SORCS2: variants seen among roughly 807,000 people sequenced by gnomAD.
SORCS2 encodes the protein sortilin related VPS10 domain containing receptor 2.
Under a neutral mutation model 141.6 loss-of-function variants are expected in SORCS2, and 100 were observed. That is an observed-to-expected ratio of 0.71 (90% CI 0.60 to 0.83). The LOEUF is 0.83. Ranked by LOEUF, SORCS2 falls within the 40% of genes least tolerant of loss-of-function variation. The pLI is 0.00. For missense variants in SORCS2, 1,646 were observed against 1,560.2 expected, an observed-to-expected ratio of 1.05 and a Z score of -0.93; for synonymous variants, 789 against 676.9, an observed-to-expected ratio of 1.17 and a Z score of -2.57.
intron 1 of SORCS2, among the ~76,000 whole-genome samples, chr4:7,387,787 TACATGCATGCTCACATGCACAC>T (rs1723525250): frequency 5.9e-5 from 3 of 50,458 alleles, no homozygotes; most frequent in Non-Finnish European, 1.0e-4. Context: ...CACACATAGG[TACATGCATGCTCACATGCACAC>T]ACAGATACAG....
At chr4:7,485,439 G>A (rs560700525) in intron 2 of SORCS2, among the ~76,000 whole-genome samples, 87 of 152,374 alleles carry the variant, frequency 5.7e-4, no homozygotes, top group African/African-American at 2.0e-3. Flanking sequence ...ACACCAGGTT[G>A]GCTCTGTGGG....
chr4:7,477,312 A>C (rs74800603), intron 2 of SORCS2, among the ~76,000 whole-genome samples: 42 of 93,424 alleles, frequency 4.5e-4, no homozygotes, highest in South Asian at 1.8e-3. Flanking sequence ...CTGACTGAGG[A>C]TGACCATGGC....
chr4:7,598,714 G>A (rs541576754), intron 3 of SORCS2, among the ~76,000 whole-genome samples: 12 of 152,280 alleles, frequency 7.9e-5, no homozygotes, highest in East Asian at 7.7e-4. Context: ...AAAACCTCAC[G>A]CAATGGCTTC....
intron 19 of SORCS2, among the ~76,000 whole-genome samples, chr4:7,724,330 G>T (rs1203724728): frequency 1.3e-5 from 2 of 148,300 alleles, no homozygotes; most frequent in Non-Finnish European, 3.0e-5. Context: ...TGGTGATAGG[G>T]TGATGGTGAT....
chr4:7,421,827 C>G (rs1726085232), intron 2 of SORCS2, among the ~76,000 whole-genome samples: 1 of 147,622 alleles, frequency 6.8e-6, no homozygotes, highest in East Asian at 2.2e-4. Context: ...TCCTGCCTGC[C>G]ACCTTGCAAA....
At chr4:7,414,517 C>T (rs1242483312) in intron 2 of SORCS2, among the ~76,000 whole-genome samples, 2 of 152,212 alleles carry the variant, frequency 1.3e-5, no homozygotes, top group East Asian at 1.9e-4. Flanking sequence ...TTTTATTAAG[C>T]CGGCGGCCAA....
chr4:7,462,764 G>A (rs925457944), intron 2 of SORCS2, among the ~76,000 whole-genome samples: 4 of 151,320 alleles, frequency 2.6e-5, no homozygotes, highest in African/African-American at 4.9e-5. Context: ...GGAAGAAGCC[G>A]GTGCACACTT....
intron 2 of SORCS2, among the ~76,000 whole-genome samples, chr4:7,509,430 G>A (rs943107361): frequency 2.6e-5 from 4 of 152,316 alleles, no homozygotes; most frequent in African/African-American, 4.8e-5. Context: ...TCAGCAGGCC[G>A]GAGCACAGAA....
At chr4:7,323,119 A>G (rs1339445126) in intron 1 of SORCS2, among the ~76,000 whole-genome samples, 2 of 152,268 alleles carry the variant, frequency 1.3e-5, no homozygotes, top group Non-Finnish European at 2.9e-5. Context: ...TTATGTATTA[A>G]TAACCGCCAG....
intron 3 of SORCS2, among the ~76,000 whole-genome samples, chr4:7,559,942 C>G (rs1714415643): frequency 6.6e-6 from 1 of 152,212 alleles, no homozygotes; most frequent in Non-Finnish European, 1.5e-5. Context: ...TTATTTCTCA[C>G]TATTCTGGTT....
chr4:7,716,610 C>T (rs943436736), intron 17 of SORCS2, among the ~76,000 whole-genome samples: 1 of 152,236 alleles, frequency 6.6e-6, no homozygotes, highest in South Asian at 2.1e-4. Flanking sequence ...ATCCACTATC[C>T]ACCCACCCAT....
intron 1 of SORCS2, among the ~76,000 whole-genome samples, chr4:7,387,819 G>C (rs1210668593): frequency 2.0e-3 from 100 of 49,070 alleles, no homozygotes; most frequent in African/African-American, 4.5e-3. Flanking sequence ...CACAGATACA[G>C]AGATACACAT....
chr4:7,508,402 G>A lies in SORCS2; in HGVS notation c.549-23128G>A, dbSNP rs192738380. ...CAGTCTCACTTTGGCTCATGCTGGA[G>A]TACAGTGGCATGATCTTGGCTCACT... On this transcript the variant is annotated intron_variant, in intron 2 of 26. Coordinates refer to ENST00000507866, the MANE Select transcript of SORCS2 (RefSeq NM_020777.3). 2.6e-3 allele frequency among the ~76,000 whole-genome samples: 360 copies of A among 138,584 alleles called. 5 individuals carry two copies. The highest frequency in any genetic ancestry group is 8.4e-3 in the African/African-American group (317 of 37,636). The allele number at this position is 138,584 out of a possible 152,430, so 90.9% of individuals were successfully genotyped here.
intron 2 of SORCS2, among the ~76,000 whole-genome samples, chr4:7,487,450 A>G (rs1731059260): frequency 6.6e-6 from 1 of 152,170 alleles, no homozygotes; most frequent in Admixed American, 6.5e-5. Context: ...TGCCCTCAGA[A>G]TTGTCTCTAG....
At chr4:7,321,841 G>C (rs1041872369) in intron 1 of SORCS2, among the ~76,000 whole-genome samples, 7 of 152,230 alleles carry the variant, frequency 4.6e-5, no homozygotes, top group Non-Finnish European at 1.0e-4. Flanking sequence ...GAATGAGCCA[G>C]GGCCTGAGGA....
intron 3 of SORCS2, among the ~76,000 whole-genome samples, chr4:7,543,050 G>A (rs1026235398): frequency 7.9e-5 from 12 of 152,226 alleles, no homozygotes; most frequent in African/African-American, 2.9e-4. Context: ...TGGCCAGCAC[G>A]TGTCAGTGGC....
intron 12 of SORCS2, among the ~76,000 whole-genome samples, chr4:7,700,828 G>A (rs1221753009): frequency 5.3e-5 from 8 of 152,228 alleles, no homozygotes; most frequent in Non-Finnish European, 1.0e-4. Flanking sequence ...ACCCACAAGA[G>A]TGTGTCTCCA....
chr4:7,257,439 G>A lies in SORCS2; in HGVS notation c.480+64313G>A, dbSNP rs527280465. Among the ~76,000 whole-genome samples, 11 of 152,256 alleles carry A rather than the reference G, an allele frequency of 7.2e-5. No homozygotes were observed. In the South Asian group the frequency reaches 8.3e-4, roughly 11 times the overall value. On this transcript the variant is annotated intron_variant, in intron 1 of 26. Transcript: ENST00000507866. ...AGTGTAAGTATGGACCCTGAGAGGCGGCAGGGCAGGGAGAGCCTCTCCGCA... is the reference window on the plus strand; with the variant it reads ...AGTGTAAGTATGGACCCTGAGAGGCAGCAGGGCAGGGAGAGCCTCTCCGCA...
intron 1 of SORCS2, among the ~76,000 whole-genome samples, chr4:7,386,594 GCA>G (rs1723351275): frequency 7.6e-6 from 1 of 131,476 alleles, no homozygotes; most frequent in African/African-American, 3.0e-5. Context: ...ATACACATTT[GCA>G]CACACGCACA....
Sources: allele counts gnomAD v4.1 joint callset (sites outside exome capture counted in the v4.1 genomes callset), GRCh38; gene constraint gnomAD v4.1.1; transcripts MANE v1.5; gene names NCBI Gene and HGNC (gene_info 2026-07-23, HGNC 2026-07-21).